Variants in CDYL2 observed in about 807,000 individuals in gnomAD.
CDYL2 encodes chromodomain Y like 2.
In CDYL2, 23 loss-of-function variants were observed where a neutral mutation model predicts 49.4. The observed-to-expected ratio is 0.47, with a 90% confidence interval of 0.34 to 0.66. CDYL2 has a LOEUF of 0.66. Ranked by LOEUF, CDYL2 falls within the 30% of genes least tolerant of loss-of-function variation. The pLI is 0.01. For missense variants in CDYL2, 678 were observed against 656.4 expected, an observed-to-expected ratio of 1.03 and a Z score of -0.36; for synonymous variants, 360 against 268.8, an observed-to-expected ratio of 1.34 and a Z score of -3.32.
intron 1 of CDYL2, among the ~76,000 whole-genome samples, chr16:80,782,890 A>G (rs1381591705): frequency 6.6e-6 from 1 of 152,148 alleles, no homozygotes; most frequent in Non-Finnish European, 1.5e-5. Context: ...CACAGCTAAC[A>G]CCATATTCAG....
At chr16:80,729,709 C>G (rs1468727601) in intron 1 of CDYL2, among the ~76,000 whole-genome samples, 1 of 152,236 alleles carries the variant, frequency 6.6e-6, no homozygotes, top group South Asian at 2.1e-4. Context: ...AAGTAAAGCT[C>G]TCCTCGGCAA....
chr16:80,741,988 A>G (rs1453710381), intron 1 of CDYL2: 3 of 152,254 alleles, frequency 2.0e-5, no homozygotes, highest in African/African-American at 7.2e-5. Context: ...TCACCACGTT[A>G]TGGGAACCAT....
chr16:80,765,337 G>C (rs956604349), intron 1 of CDYL2, among the ~76,000 whole-genome samples: 1 of 151,656 alleles, frequency 6.6e-6, no homozygotes, highest in African/African-American at 2.4e-5. Flanking sequence ...GGTTATGACA[G>C]AAACGACGAA....
intron 1 of CDYL2, among the ~76,000 whole-genome samples, chr16:80,773,643 A>G (rs1188402775): frequency 6.6e-6 from 1 of 152,200 alleles, no homozygotes; most frequent in Non-Finnish European, 1.5e-5. Flanking sequence ...ACAATAAAAT[A>G]AAGATGACAG....
intron 4 of CDYL2, among the ~76,000 whole-genome samples, chr16:80,617,966 C>T (rs1441856523): frequency 6.6e-6 from 1 of 152,130 alleles, no homozygotes; most frequent in Admixed American, 6.5e-5. Flanking sequence ...CTCAGAGTCC[C>T]CTGGGGGTGT....
At position 80,612,758 on chromosome 16, in the gene CDYL2, G is replaced by A; in HGVS notation, c.1086C>T (p.Ala362=). ...AINGPALGLG[A]SILPLCDIVW... ...CGATGTCACAGAGGGGCAGGATGGA[G>A]GCACCCAGGCCCAGGGCCGGCCCAT... Residue 362 remains alanine, a synonymous_variant, in exon 5 of 7, where the codon GCC becomes GCT. Transcript: ENST00000570137. The surrounding 1 kb of genome is among the most constrained non-coding windows in gnomAD (Gnocchi z 5.0). 1.2e-6 allele frequency: 2 copies of A among 1,613,832 alleles called. No homozygotes were observed. Among genetic ancestry groups the A allele is most frequent in the Non-Finnish European group, 8.5e-7 (1 of 1,179,994 alleles).
At chr16:80,684,274 A>G (rs1379621939) in intron 2 of CDYL2, among the ~76,000 whole-genome samples, 3 of 152,158 alleles carry the variant, frequency 2.0e-5, no homozygotes, top group Admixed American at 2.0e-4. Context: ...GTGTCTTGAA[A>G]TAAGAGTCTG....
At chr16:80,691,578 G>C (rs1385845427) in intron 1 of CDYL2, among the ~76,000 whole-genome samples, 1 of 152,160 alleles carries the variant, frequency 6.6e-6, no homozygotes, top group African/African-American at 2.4e-5. Context: ...ACTATGCCTA[G>C]AGAGACCTCA....
chr16:80,661,599 C>A (rs891558711), intron 2 of CDYL2, among the ~76,000 whole-genome samples: 13 of 152,166 alleles, frequency 8.5e-5, no homozygotes, highest in African/African-American at 3.1e-4. Flanking sequence ...AAGCTTGATG[C>A]TGGATTCGAG....
At chr16:80,622,325 A>T (rs542031743) in intron 3 of CDYL2, among the ~76,000 whole-genome samples, 1 of 152,240 alleles carries the variant, frequency 6.6e-6, no homozygotes, top group East Asian at 1.9e-4. Context: ...TCACCTTTGC[A>T]CATGCCAATC....
intron 3 of CDYL2, among the ~76,000 whole-genome samples, chr16:80,621,529 T>C (rs903190627): frequency 1.3e-5 from 2 of 152,208 alleles, no homozygotes; most frequent in African/African-American, 4.8e-5. Flanking sequence ...ACCTGAGCCA[T>C]GCTGGTTATT....
At chr16:80,794,952 G>C (rs1405538778) in intron 1 of CDYL2, among the ~76,000 whole-genome samples, 1 of 152,118 alleles carries the variant, frequency 6.6e-6, no homozygotes, top group Non-Finnish European at 1.5e-5. Flanking sequence ...TGTAGCCCTA[G>C]TACCACCATA....
At chr16:80,759,968 G>A (rs1415011229) in intron 1 of CDYL2, among the ~76,000 whole-genome samples, 1 of 152,088 alleles carries the variant, frequency 6.6e-6, no homozygotes, top group East Asian at 1.9e-4. Context: ...ACTGTCTCAG[G>A]GTAAATTAAC....
intron 1 of CDYL2, among the ~76,000 whole-genome samples, chr16:80,741,159 A>G (rs896990018): frequency 3.3e-5 from 5 of 149,512 alleles, no homozygotes; most frequent in African/African-American, 1.2e-4. Flanking sequence ...ATATATATAC[A>G]TAATATATAT....
chr16:80,672,179 T>A (rs1909539059), intron 2 of CDYL2, among the ~76,000 whole-genome samples: 2 of 152,206 alleles, frequency 1.3e-5, no homozygotes, highest in African/African-American at 4.8e-5. Context: ...ACATTCAACC[T>A]GTATATCCTT....
chr16:80,802,577 G>A (rs1269687240), intron 1 of CDYL2, among the ~76,000 whole-genome samples: 2 of 152,152 alleles, frequency 1.3e-5, no homozygotes, highest in Admixed American at 6.5e-5. Context: ...GCATAGAGAT[G>A]AGGACGGCCA....
intron 2 of CDYL2, among the ~76,000 whole-genome samples, chr16:80,637,401 T>G (rs1464784909): frequency 6.6e-6 from 1 of 152,094 alleles, no homozygotes; most frequent in African/African-American, 2.4e-5. Context: ...TCCTAGCGAT[T>G]GCAAAAACAT....
At chr16:80,779,518 T>G (rs1270430877) in intron 1 of CDYL2, among the ~76,000 whole-genome samples, 2 of 151,966 alleles carry the variant, frequency 1.3e-5, no homozygotes, top group African/African-American at 2.4e-5. Context: ...ATCTAGAAAT[T>G]TATCATAAGA....
At chr16:80,726,040 A>C (rs889588118) in intron 1 of CDYL2, among the ~76,000 whole-genome samples, 18 of 152,234 alleles carry the variant, frequency 1.2e-4, no homozygotes, top group African/African-American at 3.9e-4. Flanking sequence ...GAGTCACAAA[A>C]AGACAGTGAC....
Sources: allele counts gnomAD v4.1 joint callset (sites outside exome capture counted in the v4.1 genomes callset), GRCh38; gene constraint gnomAD v4.1.1; non-coding constraint Gnocchi (gnomAD v3.1); transcripts MANE v1.5; gene names NCBI Gene and HGNC (gene_info 2026-07-23, HGNC 2026-07-21).